The following RBFOX1 variants were observed in gnomAD, a reference collection of about 807,000 sequenced individuals.
RBFOX1 encodes RNA binding fox-1 homolog 1.
A neutral mutation model predicts 57.7 loss-of-function variants in RBFOX1; 8 were observed. That is an observed-to-expected ratio of 0.14 (90% CI 0.08 to 0.25). RBFOX1 has a LOEUF of 0.25. RBFOX1 is among the 10% of genes least tolerant of loss of function. RBFOX1 has a pLI of 1.00. For missense variants in RBFOX1, 611 were observed against 548.5 expected (o/e 1.11, Z -1.14); for synonymous variants, 326 against 222.4 (o/e 1.47, Z -4.15).
chr16:6,862,502 G>C (rs2059192140), intron 3 of RBFOX1, among the ~76,000 whole-genome samples: 1 of 152,360 alleles, frequency 6.6e-6, no homozygotes, highest in African/African-American at 2.4e-5. Flanking sequence ...AAACAGCTCT[G>C]CCTTGCCCAG....
rs146196802 is a variant in RBFOX1, at chr16:6,161,492, G to T, written c.-127+141500G>T. Among the ~76,000 whole-genome samples the T allele has an allele frequency of 3.5e-4, 53 of 152,150 alleles. No individual in the cohort carries two copies. In the East Asian group the frequency reaches 0.01, roughly 29 times the overall value. On this transcript the variant is annotated intron_variant, in intron 1 of 15. Coordinates refer to ENST00000550418, the MANE Select transcript of RBFOX1 (RefSeq NM_018723.4). Reference sequence around the variant, plus strand: ...TGACTAACAAAATAGCCCACACAAGGGAAGCAGGGGTTTTGTCCTGCAGAG... The same window carrying T: ...TGACTAACAAAATAGCCCACACAAGTGAAGCAGGGGTTTTGTCCTGCAGAG...
At chr16:6,283,558 G>A (rs2076608728) in intron 1 of RBFOX1, among the ~76,000 whole-genome samples, 1 of 151,984 alleles carries the variant, frequency 6.6e-6, no homozygotes, top group Admixed American at 6.6e-5. Flanking sequence ...TCAAAAACAA[G>A]CAAAAATTAA....
At chr16:6,073,349 G>A (rs193149396) in intron 1 of RBFOX1, among the ~76,000 whole-genome samples, 52 of 152,246 alleles carry the variant, frequency 3.4e-4, no homozygotes, top group South Asian at 1.2e-3. Context: ...ATTCTCTCTT[G>A]TATCTGGGAT....
chr16:5,893,115 T>C (rs2058084637), intron 4 of RBFOX1, among the ~76,000 whole-genome samples: 1 of 152,226 alleles, frequency 6.6e-6, no homozygotes, highest in South Asian at 2.1e-4. Flanking sequence ...TTTGGCATTT[T>C]ACCTCACATT....
chr16:6,133,189 G>C (rs1004171638), intron 1 of RBFOX1, among the ~76,000 whole-genome samples: 1 of 152,032 alleles, frequency 6.6e-6, no homozygotes, highest in Non-Finnish European at 1.5e-5. Flanking sequence ...TATAAGACAG[G>C]CCATTATATC....
At chr16:6,135,851 G>A (rs559877000) in intron 1 of RBFOX1, among the ~76,000 whole-genome samples, 145 of 139,856 alleles carry the variant, frequency 1.0e-3, no homozygotes, top group African/African-American at 3.8e-3. Flanking sequence ...CTGGAGTGCA[G>A]TGGCACGATC....
intron 4 of RBFOX1, among the ~76,000 whole-genome samples, chr16:7,099,587 A>G (rs1051090631): frequency 6.6e-6 from 1 of 152,182 alleles, no homozygotes; most frequent in African/African-American, 2.4e-5. Context: ...CACCCTTGAC[A>G]CAGCCTCAGG....
At chr16:5,487,168 G>A (rs911577457) in intron 2 of RBFOX1, among the ~76,000 whole-genome samples, 1 of 152,178 alleles carries the variant, frequency 6.6e-6, no homozygotes, top group African/African-American at 2.4e-5. Flanking sequence ...AGCTCCTTGT[G>A]TTTTTCTTCC....
At chr16:6,700,193 C>T (rs1393405407) in intron 3 of RBFOX1, among the ~76,000 whole-genome samples, 2 of 152,124 alleles carry the variant, frequency 1.3e-5, no homozygotes, top group East Asian at 1.9e-4. Context: ...CTCAATTTTT[C>T]ACCCAGAGAG....
chr16:7,141,389 A>C (rs990251246), intron 4 of RBFOX1, among the ~76,000 whole-genome samples: 3 of 152,146 alleles, frequency 2.0e-5, no homozygotes, highest in African/African-American at 7.2e-5. Flanking sequence ...TGGACCTTAA[A>C]ATACAGCTTG....
intron 1 of RBFOX1, among the ~76,000 whole-genome samples, chr16:6,287,953 A>G (rs1439907630): frequency 6.6e-6 from 1 of 152,174 alleles, no homozygotes; most frequent in Non-Finnish European, 1.5e-5. Flanking sequence ...ATCTTGCTAA[A>G]GAAAAAATGA....
intron 4 of RBFOX1, among the ~76,000 whole-genome samples, chr16:7,078,773 C>T (rs532012666): frequency 2.0e-5 from 3 of 150,032 alleles, no homozygotes; most frequent in South Asian, 2.1e-4. Context: ...ACCTCCACTT[C>T]CCGAGTTCAA....
chr16:6,147,634 A>G (rs2096768425), intron 1 of RBFOX1, among the ~76,000 whole-genome samples: 1 of 152,190 alleles, frequency 6.6e-6, no homozygotes, highest in African/African-American at 2.4e-5. Flanking sequence ...GATGCCATCA[A>G]GGTTGGGGAA....
At chr16:6,335,286 G>T (rs373781765) in intron 2 of RBFOX1, among the ~76,000 whole-genome samples, 3 of 152,144 alleles carry the variant, frequency 2.0e-5, no homozygotes, top group Admixed American at 6.5e-5. Flanking sequence ...TCTTATGTTT[G>T]AATGCGCGTC....
intron 4 of RBFOX1, among the ~76,000 whole-genome samples, chr16:7,362,320 G>T (rs111208330): frequency 6.6e-6 from 1 of 151,274 alleles, no homozygotes; most frequent in Non-Finnish European, 1.5e-5. Flanking sequence ...GTGTGTGTGT[G>T]TATGTTTTGT....
At chr16:6,988,813 C>T (rs902976831) in intron 3 of RBFOX1, among the ~76,000 whole-genome samples, 1 of 150,246 alleles carries the variant, frequency 6.7e-6, no homozygotes, top group Non-Finnish European at 1.5e-5. Flanking sequence ...TGCTCATTGC[C>T]CAGGCTGGAG....
At chr16:7,019,987 T>G (rs1223545404) in intron 3 of RBFOX1, among the ~76,000 whole-genome samples, 1 of 151,758 alleles carries the variant, frequency 6.6e-6, no homozygotes. Flanking sequence ...CTCTTTTTTT[T>G]TTTTTTCTCT....
intron 3 of RBFOX1, among the ~76,000 whole-genome samples, chr16:6,975,494 T>C (rs2086632464): frequency 6.6e-6 from 1 of 152,134 alleles, no homozygotes; most frequent in Non-Finnish European, 1.5e-5. Flanking sequence ...CTCAAACTCC[T>C]GACCTCAAGT....
intron 4 of RBFOX1, among the ~76,000 whole-genome samples, chr16:7,170,162 T>C (rs1483571915): frequency 6.6e-6 from 1 of 152,178 alleles, no homozygotes; most frequent in Non-Finnish European, 1.5e-5. Flanking sequence ...AACTTCAAAT[T>C]TCCAAAACCC....
Sources: allele counts gnomAD v4.1 joint callset (sites outside exome capture counted in the v4.1 genomes callset), GRCh38; gene constraint gnomAD v4.1.1; transcripts MANE v1.5; gene names NCBI Gene and HGNC (gene_info 2026-07-23, HGNC 2026-07-21).